The following ANK1 variants were observed in gnomAD, a reference collection of about 807,000 sequenced individuals.
ANK1 encodes the protein ankyrin-1.
In ANK1, 51 loss-of-function variants were observed where a neutral mutation model predicts 210.4. The observed-to-expected ratio is 0.24, with a 90% confidence interval of 0.19 to 0.31. The LOEUF is 0.31. Among genes scored for constraint, ANK1 ranks in the 10% least tolerant of loss-of-function variants. The probability of loss-of-function intolerance (pLI) is 1.00; values close to 1 mark genes in which losing one functional copy is unlikely to be tolerated. For missense variants in ANK1, 2,051 were observed against 2,504.4 expected (o/e 0.82, Z 3.86); for synonymous variants, 967 against 1,025.9 (o/e 0.94, Z 1.10).
chr8:41,726,970 C>T (rs1830866635), intron 5 of ANK1, among the ~76,000 whole-genome samples: 1 of 152,234 alleles, frequency 6.6e-6, no homozygotes. Context: ...ATGCATGCTT[C>T]GCCTGCCCCC....
At chr8:41,703,422 G>GTGTGTGTGTATATA (rs1286560913) in intron 20 of ANK1, among the ~76,000 whole-genome samples, 1 of 53,766 alleles carries the variant, frequency 1.9e-5, no homozygotes, top group African/African-American at 7.1e-5. Flanking sequence ...GTGTGTGTGT[G>GTGTGTGTGTATATA]TATATATATA....
intron 1 of ANK1, among the ~76,000 whole-genome samples, chr8:41,846,541 CA>C (rs1430958270): frequency 6.6e-6 from 1 of 152,244 alleles, no homozygotes; most frequent in Non-Finnish European, 1.5e-5. Flanking sequence ...GTCCCAGGAA[CA>C]GGGGCCAAGG....
intron 1 of ANK1, among the ~76,000 whole-genome samples, chr8:41,822,087 AG>A (rs1302035013): frequency 0.29 from 19,001 of 65,486 alleles, 2,400 homozygotes; most frequent in African/African-American, 0.43. Flanking sequence ...AGAGAGAGAG[AG>A]AGAGAGAGAG....
At chr8:41,859,255 G>A (rs751741664) in intron 1 of ANK1, among the ~76,000 whole-genome samples, 3 of 152,246 alleles carry the variant, frequency 2.0e-5, no homozygotes, top group Non-Finnish European at 2.9e-5. Context: ...CGGCACCTAC[G>A]GGAAATTTCC....
At chr8:41,801,177 C>T (rs1312555089), upstream of ANK1, among the ~76,000 whole-genome samples, 1 of 152,188 alleles carries the variant, frequency 6.6e-6, no homozygotes, top group East Asian at 1.9e-4. Flanking sequence ...GTGACCCCAT[C>T]ACGATTCACT....
At position 41,696,595 on chromosome 8, in the gene ANK1, T is replaced by C. The variant is rs1821015193; in HGVS notation, c.2736-8A>G. The C allele has an allele frequency of 6.2e-7, 1 of 1,613,226 alleles. No homozygotes were observed. Among genetic ancestry groups the C allele is most frequent in the Non-Finnish European group, 8.5e-7 (1 of 1,179,872 alleles). On this transcript the variant is annotated splice_region_variant and splice_polypyrimidine_tract_variant and intron_variant, in intron 25 of 42. Transcript: ENST00000289734. ...ATGAAGCTCACCAGAAACCTAGGAGTGGGGCAGATGCACGTTGGGCTTCTG... is the reference window on the plus strand; with the variant it reads ...ATGAAGCTCACCAGAAACCTAGGAGCGGGGCAGATGCACGTTGGGCTTCTG...
At position 41,809,127 on chromosome 8, in the gene ANK1, G is replaced by A. The variant is rs189836931; in HGVS notation, c.127-50990C>T. On this transcript the variant is annotated intron_variant, in intron 1 of 42. Coordinates refer to the ANK1 transcript ENST00000265709. ...CTTCCCCAGGTGACTCTCCTTAACTGGGGAGTCGTTCTTAATCTCCACTTT... is the reference window on the plus strand; with the variant it reads ...CTTCCCCAGGTGACTCTCCTTAACTAGGGAGTCGTTCTTAATCTCCACTTT... Among the ~76,000 whole-genome samples the A allele has an allele frequency of 3.7e-3, 558 of 152,288 alleles. 4 individuals are homozygous for A. The highest frequency in any genetic ancestry group is 0.013 in the African/African-American group (526 of 41,558).
chr8:41,694,506 G>T lies in ANK1; in HGVS notation c.3327+86C>A. 7.7e-7 allele frequency: 1 copy of T among 1,301,590 alleles called. No individual in the cohort carries two copies. The highest frequency in any genetic ancestry group is 1.1e-6 in the Non-Finnish European group (1 of 922,738). The allele number at this position is 1,301,590 out of a possible 1,614,324, so 80.6% of individuals were successfully genotyped here. On this transcript the variant is annotated intron_variant, in intron 28 of 42. Coordinates refer to ENST00000289734, the MANE Select transcript of ANK1 (RefSeq NM_000037.4). This position sits in a 1 kb window ranked among gnomAD's most constrained non-coding sequence, Gnocchi z 5.7. The stretch of plus-strand genomic sequence containing the variant: ...ATTTCAAAGCACCAGACAAAAGTGT[G>T]GGGATGTCCTGGGGAAGAGGGTGGC...
At chr8:41,662,007 T>G (rs1318942072) in intron 40 of ANK1, 66 bp from the exon 41 acceptor site, 4 of 1,573,464 alleles carry the variant, frequency 2.5e-6, no homozygotes, top group Admixed American at 3.4e-5. Context: ...GTCTGTAATC[T>G]CAGCACTTTG....
At chr8:41,667,158 G>A (rs368769264) in intron 39 of ANK1, among the ~76,000 whole-genome samples, 3 of 152,332 alleles carry the variant, frequency 2.0e-5, no homozygotes, top group Middle Eastern at 3.4e-3. Flanking sequence ...GCACACAGGC[G>A]CTGGCCCTGC....
At chr8:41,771,707 G>A (rs1456725938) in intron 1 of ANK1, among the ~76,000 whole-genome samples, 7 of 152,146 alleles carry the variant, frequency 4.6e-5, no homozygotes, top group South Asian at 2.1e-4. Flanking sequence ...TGGAGGCCTC[G>A]CCTGTGGGGT....
At chr8:41,659,485 C>T (rs1414332407) in intron 42 of ANK1, among the ~76,000 whole-genome samples, 2 of 152,142 alleles carry the variant, frequency 1.3e-5, no homozygotes, top group South Asian at 2.1e-4. Flanking sequence ...TGGACGAATT[C>T]GCAAATGCAG....
chr8:41,822,089 AGAGAGAGAGAGAG>A (rs1563844522), intron 1 of ANK1, among the ~76,000 whole-genome samples: 3 of 70,696 alleles, frequency 4.2e-5, no homozygotes, highest in Non-Finnish European at 5.8e-5. Context: ...AGAGAGAGAG[AGAGAGAGAGAGAG>A]AGAGAGAGAG....
intron 1 of ANK1, among the ~76,000 whole-genome samples, chr8:41,764,222 C>A (rs1053611951): frequency 3.3e-5 from 5 of 152,050 alleles, no homozygotes; most frequent in Non-Finnish European, 7.4e-5. Context: ...CTCCTAGGGG[C>A]CAGGCAATAT....
chr8:41,737,276 G>T (rs1833671873), intron 2 of ANK1, among the ~76,000 whole-genome samples: 1 of 152,138 alleles, frequency 6.6e-6, no homozygotes, highest in South Asian at 2.1e-4. Flanking sequence ...TCCAGCCTGG[G>T]TGACAGAGAG....
chr8:41,700,430 C>A (rs1177671476), intron 22 of ANK1: 1 of 1,613,490 alleles, frequency 6.2e-7, no homozygotes, highest in Non-Finnish European at 8.5e-7. Flanking sequence ...GCATTTCATA[C>A]CCATTATAGT....
chr8:41,724,811 C>T (rs1463251193), intron 6 of ANK1, among the ~76,000 whole-genome samples: 1 of 152,082 alleles, frequency 6.6e-6, no homozygotes, highest in Non-Finnish European at 1.5e-5. Context: ...GAGTGATCAC[C>T]GACAAAGAGA....
Position 41,853,823 on chromosome 8 carries a change from C to T in ANK1, c.126+42532G>A, listed in dbSNP as rs186001234. On this transcript the variant is annotated intron_variant, in intron 1 of 42. Coordinates refer to the ANK1 transcript ENST00000265709. ...TCACCCAGGCTAGAGTTCAGTGGTG[C>T]GATCATAGCTCACTGCAGCCTCAAA... Among the ~76,000 whole-genome samples, 210 of 152,102 alleles carry T rather than the reference C, an allele frequency of 1.4e-3. No homozygotes were observed. In the East Asian group the frequency reaches 0.019, roughly 14 times the overall value.
chr8:41,683,255 A>C (rs1163096495), intron 37 of ANK1, among the ~76,000 whole-genome samples: 1 of 152,212 alleles, frequency 6.6e-6, no homozygotes, highest in Non-Finnish European at 1.5e-5. Context: ...GACAGGCAGC[A>C]CGATAGCGTG....
Sources: gnomAD v4.1 joint callset for allele counts (sites outside exome capture counted in the v4.1 genomes callset) on GRCh38, gnomAD v4.1.1 for gene constraint, Gnocchi (gnomAD v3.1) non-coding constraint, MANE v1.5 for transcripts, NCBI Gene and HGNC (gene_info 2026-07-23, HGNC 2026-07-21) for gene names.